Variants in ARIH1 observed in about 807,000 individuals in gnomAD.
ARIH1 encodes the protein E3 ubiquitin-protein ligase ARIH1.
A neutral mutation model predicts 85.0 loss-of-function variants in ARIH1; 8 were observed. That is an observed-to-expected ratio of 0.09 (90% CI 0.06 to 0.17). The LOEUF (loss-of-function observed/expected upper bound fraction) is 0.17, where lower values mean the gene tolerates loss of function less well. Among genes scored for constraint, ARIH1 ranks in the 10% least tolerant of loss-of-function variants. The probability of loss-of-function intolerance (pLI) is 1.00; values close to 1 mark genes in which losing one functional copy is unlikely to be tolerated. For missense variants in ARIH1, 311 were observed against 718.1 expected (o/e 0.43, Z 6.48); for synonymous variants, 238 against 253.6 (o/e 0.94, Z 0.59).
At chr15:72,522,157 T>C (rs936041060) in intron 2 of ARIH1, among the ~76,000 whole-genome samples, 1 of 152,204 alleles carries the variant, frequency 6.6e-6, no homozygotes, top group Non-Finnish European at 1.5e-5. Flanking sequence ...AAAGATGAGA[T>C]GTGGCTGAAA....
At chr15:72,567,690 C>T (rs943704002) in intron 9 of ARIH1, among the ~76,000 whole-genome samples, 1 of 152,208 alleles carries the variant, frequency 6.6e-6, no homozygotes, top group Non-Finnish European at 1.5e-5. Flanking sequence ...TCCTCGATCA[C>T]TAATCTAATG....
At chr15:72,488,542 T>G (rs768687785) in intron 1 of ARIH1, among the ~76,000 whole-genome samples, 6 of 152,248 alleles carry the variant, frequency 3.9e-5, no homozygotes, top group Non-Finnish European at 7.3e-5. Flanking sequence ...GAGGTTATGA[T>G]ATAGCTATCC....
intron 2 of ARIH1, among the ~76,000 whole-genome samples, chr15:72,536,929 A>G (rs2064084552): frequency 6.6e-6 from 1 of 152,136 alleles, no homozygotes; most frequent in African/African-American, 2.4e-5. Flanking sequence ...AATAAGAAAA[A>G]TCTTATGGCC....
intron 1 of ARIH1, among the ~76,000 whole-genome samples, chr15:72,486,289 C>T (rs1018344344): frequency 2.0e-5 from 3 of 152,098 alleles, no homozygotes; most frequent in African/African-American, 7.2e-5. Flanking sequence ...AATTGTACAC[C>T]ATTCTGAGTA....
chr15:72,498,942 C>T (rs1203417712), intron 1 of ARIH1, among the ~76,000 whole-genome samples: 5 of 139,092 alleles, frequency 3.6e-5, no homozygotes, highest in East Asian at 2.0e-4. Flanking sequence ...CTTTTTATGT[C>T]GTTTGCACCT....
intron 9 of ARIH1, among the ~76,000 whole-genome samples, chr15:72,568,775 A>C (rs1040921969): frequency 4.6e-5 from 7 of 152,190 alleles, no homozygotes; most frequent in African/African-American, 1.7e-4. Context: ...AAAATTTCTT[A>C]TGTGGGTGAT....
Position 72,584,377 on chromosome 15 carries a change from ATTC to A in ARIH1, c.*1088_*1090del, listed in dbSNP as rs1251567282. The A allele has an allele frequency of 6.6e-6, 1 of 152,206 alleles. No homozygotes were observed. Among genetic ancestry groups the A allele is most frequent in the African/African-American group, 2.4e-5 (1 of 41,454 alleles). 9.4% of individuals were successfully genotyped at this position (152,206 alleles called of 1,614,324 possible). A position where few individuals can be genotyped will look rare whatever the true frequency, so the allele number is the denominator to read the frequency against. ...CCATGTTATGCACACAGCTGTAGGC[ATTC>A]TTAAGTCCCCTGTCGCATCCAGTGG... On this transcript the variant is annotated 3_prime_UTR_variant, in exon 14 of 14. Transcript: ENST00000379887.
At position 72,570,158 on chromosome 15, in the gene ARIH1, T is replaced by G. The variant is rs2064236928; in HGVS notation, c.1027-19T>G. The G allele has an allele frequency of 6.2e-7, 1 of 1,612,768 alleles. No homozygotes were observed. The highest frequency in any genetic ancestry group is 1.3e-5 in the African/African-American group (1 of 74,878). ...ACCTAGTGTAGCATTGACACCAACTTTATAGTTTCTCTTCATAGGAATGTC... is the reference window on the plus strand; with the variant it reads ...ACCTAGTGTAGCATTGACACCAACTGTATAGTTTCTCTTCATAGGAATGTC... On this transcript the variant is annotated intron_variant, in intron 9 of 13. Coordinates refer to ENST00000379887, the MANE Select transcript of ARIH1 (RefSeq NM_005744.5).
At position 72,590,269 on chromosome 15, in the gene ARIH1, A is replaced by G. The variant is rs1319110626; in HGVS notation, c.*6977A>G. 1.3e-5 allele frequency: 2 copies of G among 152,182 alleles called. No homozygotes were observed. Among genetic ancestry groups the G allele is most frequent in the Non-Finnish European group, 2.9e-5 (2 of 68,040 alleles). 9.4% of individuals were successfully genotyped at this position (152,182 alleles called of 1,614,324 possible). ...GTTTGACCAGTATATTATTTTCACCATGCTGTATCTGCTTCTCAGTCACCA... is the reference window on the plus strand; with the variant it reads ...GTTTGACCAGTATATTATTTTCACCGTGCTGTATCTGCTTCTCAGTCACCA... On this transcript the variant is annotated 3_prime_UTR_variant, in exon 14 of 14. Coordinates refer to ENST00000379887, the MANE Select transcript of ARIH1 (RefSeq NM_005744.5).
At chr15:72,563,301 C>T in intron 6 of ARIH1, 93 bp from the exon 7 acceptor site, 1 of 1,053,176 alleles carries the variant, frequency 9.5e-7, no homozygotes, top group Non-Finnish European at 1.5e-6. Flanking sequence ...TCAAACAGTC[C>T]TCCCGCCTTG....
intron 8 of ARIH1, 86 bp downstream of exon 8, chr15:72,566,691 T>C (rs2064222491): frequency 5.0e-6 from 6 of 1,203,942 alleles, no homozygotes; most frequent in Middle Eastern, 2.2e-4. Context: ...GATTTTGTTA[T>C]CTATCTATTG....
chr15:72,482,940 A>C (rs1273462945), intron 1 of ARIH1, among the ~76,000 whole-genome samples: 1 of 151,336 alleles, frequency 6.6e-6, no homozygotes, highest in Non-Finnish European at 1.5e-5. Flanking sequence ...TCTTGAGTCC[A>C]AGTGATCCTC....
chr15:72,506,577 A>G (rs959695716), intron 1 of ARIH1, among the ~76,000 whole-genome samples: 1 of 152,036 alleles, frequency 6.6e-6, no homozygotes, highest in African/African-American at 2.4e-5. Context: ...ATGTTTTTAT[A>G]CTTTGTGACT....
intron 2 of ARIH1, among the ~76,000 whole-genome samples, chr15:72,519,790 GT>G (rs2063991629): frequency 6.6e-6 from 1 of 151,908 alleles, no homozygotes; most frequent in Non-Finnish European, 1.5e-5. Context: ...AGCCCTGACC[GT>G]ATTTTTTGAC....
chr15:72,546,469 A>G (rs772839011), intron 3 of ARIH1, among the ~76,000 whole-genome samples: 3 of 152,142 alleles, frequency 2.0e-5, no homozygotes, highest in Non-Finnish European at 4.4e-5. Context: ...GAGGTAAGCC[A>G]TTTAATGTCA....
rs562591165 is a variant in ARIH1 at position 72,493,220 on chromosome 15, A to G, written c.375+18206A>G. ...TTCTATAATTTTAAAGACTTATTTA[A>G]CATATTGGAGACTAGCAGTGCAATA... On this transcript the variant is annotated intron_variant, in intron 1 of 13. Coordinates refer to ENST00000379887, the MANE Select transcript of ARIH1 (RefSeq NM_005744.5). Among the ~76,000 whole-genome samples the G allele has an allele frequency of 4.6e-5, 7 of 152,264 alleles. No homozygotes were observed. The South Asian group carries it at 1.5e-3, about 32-fold the overall frequency.
At chr15:72,508,353 C>G (rs963292399) in intron 1 of ARIH1, among the ~76,000 whole-genome samples, 2 of 152,204 alleles carry the variant, frequency 1.3e-5, no homozygotes, top group African/African-American at 4.8e-5. Flanking sequence ...CAGCCAAGAG[C>G]TTGAATTGGC....
At chr15:72,512,644 T>C (rs2063955670) in intron 1 of ARIH1, among the ~76,000 whole-genome samples, 2 of 151,678 alleles carry the variant, frequency 1.3e-5, no homozygotes, top group African/African-American at 2.4e-5. Flanking sequence ...TTTTCTTACA[T>C]AAGCATTTAA....
chr15:72,585,324 C>T lies in ARIH1; in HGVS notation c.*2032C>T, dbSNP rs774703546. ...CTGCTTCTTCCATTTTCTCGTCTCT[C>T]TCCCCTCTTCCCCCATTATCCATAT... On this transcript the variant is annotated 3_prime_UTR_variant, in exon 14 of 14. Coordinates refer to ENST00000379887, the MANE Select transcript of ARIH1 (RefSeq NM_005744.5). The T allele has an allele frequency of 6.6e-6, 1 of 152,144 alleles. No individual in the cohort carries two copies. The highest frequency in any genetic ancestry group is 6.6e-5 in the Admixed American group (1 of 15,262). 9.4% of individuals were successfully genotyped at this position (152,144 alleles called of 1,614,324 possible).
Sources: allele counts gnomAD v4.1 joint callset (sites outside exome capture counted in the v4.1 genomes callset), GRCh38; gene constraint gnomAD v4.1.1; transcripts MANE v1.5; gene names NCBI Gene and HGNC (gene_info 2026-07-23, HGNC 2026-07-21).